The following ATF3 variants were observed in gnomAD, a reference collection of about 807,000 sequenced individuals.
ATF3 encodes the protein activating transcription factor 3.
A neutral mutation model predicts 18.4 loss-of-function variants in ATF3; 10 were observed. The observed-to-expected ratio is 0.54, with a 90% confidence interval of 0.34 to 0.92. ATF3 has a LOEUF of 0.92. Among genes scored for constraint, ATF3 ranks in the 40% least tolerant of loss-of-function variants. The probability of loss-of-function intolerance (pLI) is 0.02; values close to 1 mark genes in which losing one functional copy is unlikely to be tolerated. For synonymous variants in ATF3, 78 were observed against 87.9 expected (o/e 0.89, Z 0.63); for missense variants, 183 against 222.3 (o/e 0.82, Z 1.12).
rs780368394 is a variant in ATF3 at position 212,618,165 on chromosome 1, A to G, written c.279A>G (p.Arg93=). 1 of 1,614,190 alleles carries G rather than the reference A, an allele frequency of 6.2e-7. No individual in the cohort carries two copies. Among genetic ancestry groups the G allele is most frequent in the East Asian group, 2.2e-5 (1 of 44,888 alleles). The stretch of plus-strand genomic sequence containing the variant: ...AAGATGAAAGGAAAAAGAGGCGACG[A>G]GAAAGAAATAAGATTGCAGCTGCAA... ...PEEDERKKRR[R]ERNKIAAAKC... is the part of the protein sequence containing the mutation. Residue 93 remains arginine, a synonymous_variant, in exon 3 of 4, where the codon CGA becomes CGG. Coordinates refer to ENST00000341491, the MANE Select transcript of ATF3 (RefSeq NM_001674.4). The surrounding 1 kb of genome is among the most constrained non-coding windows in gnomAD (Gnocchi z 4.4).
In ATF3 at chr1:212,587,557, C is replaced by T. The variant is rs542015064; in HGVS notation, c.-5+22074C>T. Among the ~76,000 whole-genome samples the T allele has an allele frequency of 1.8e-4, 28 of 152,240 alleles. 1 individual carries two copies. The South Asian group carries it at 5.8e-3, about 32-fold the overall frequency. On this transcript the variant is annotated intron_variant, in intron 1 of 3. Transcript: ENST00000366981. Reference sequence around the variant, plus strand: ...TGGACTCAGGGAAGCTGCCATTGGTCAAGGAACAAAGTTTTGCTAACACGG... The same window carrying T: ...TGGACTCAGGGAAGCTGCCATTGGTTAAGGAACAAAGTTTTGCTAACACGG...
At chr1:212,582,439 A>G (rs567992094) in intron 1 of ATF3, among the ~76,000 whole-genome samples, 2 of 152,388 alleles carry the variant, frequency 1.3e-5, no homozygotes, top group East Asian at 3.9e-4. Context: ...GGCAGCCTTC[A>G]GAACTTCTCC....
At chr1:212,613,936 A>C (rs1654994904) in intron 1 of ATF3, 1 of 152,236 alleles carries the variant, frequency 6.6e-6, no homozygotes, top group South Asian at 2.1e-4. Flanking sequence ...CAAATACATC[A>C]CTGAAGCTTC....
chr1:212,607,501 C>T (rs544445030), upstream of ATF3, among the ~76,000 whole-genome samples: 1 of 152,354 alleles, frequency 6.6e-6, no homozygotes, highest in Non-Finnish European at 1.5e-5. Context: ...AGGTTCAAAC[C>T]CAGTTCTGCT....
At chr1:212,603,985 G>A (rs541150563), upstream of ATF3, among the ~76,000 whole-genome samples, 2 of 152,282 alleles carry the variant, frequency 1.3e-5, no homozygotes, top group East Asian at 3.9e-4. Context: ...ACACACTACA[G>A]TGTTAATAGT....
intron 1 of ATF3, among the ~76,000 whole-genome samples, chr1:212,581,646 T>A (rs1664687143): frequency 6.6e-6 from 1 of 152,192 alleles, no homozygotes; most frequent in Non-Finnish European, 1.5e-5. Flanking sequence ...CAAAATATGG[T>A]CCATACTATG....
chr1:212,570,607 C>G (rs1664463400), intron 1 of ATF3, among the ~76,000 whole-genome samples: 1 of 152,174 alleles, frequency 6.6e-6, no homozygotes, highest in Non-Finnish European at 1.5e-5. Context: ...CCCTCGTGTT[C>G]TCTCCCAGCT....
rs758923412 is a variant in ATF3 at position 212,619,127 on chromosome 1, G to A, written c.349-231G>A. 1 of 1,614,110 alleles carries A rather than the reference G, an allele frequency of 6.2e-7. No individual in the cohort carries two copies. The highest frequency in any genetic ancestry group is 2.2e-5 in the East Asian group (1 of 44,884). On this transcript the variant is annotated intron_variant, in intron 3 of 3. Coordinates refer to ENST00000341491, the MANE Select transcript of ATF3 (RefSeq NM_001674.4). The surrounding 1 kb of genome is among the most constrained non-coding windows in gnomAD (Gnocchi z 4.4). Reference sequence around the variant, plus strand: ...ATGAGGTATCTGAACTGCAGCTTCAGTATTAGCAGAGCCACAGGCCGCCTC... The same window carrying A: ...ATGAGGTATCTGAACTGCAGCTTCAATATTAGCAGAGCCACAGGCCGCCTC...
chr1:212,592,473 G>C (rs760947370), intron 1 of ATF3, among the ~76,000 whole-genome samples: 26 of 151,756 alleles, frequency 1.7e-4, no homozygotes, highest in Admixed American at 7.9e-4. Flanking sequence ...ATCCTAACAA[G>C]GTCCACACAT....
At chr1:212,588,029 T>C (rs1027592371) in intron 1 of ATF3, among the ~76,000 whole-genome samples, 4 of 151,064 alleles carry the variant, frequency 2.6e-5, no homozygotes, top group African/African-American at 7.4e-5. Flanking sequence ...TTATGGGAGG[T>C]GAGTGAGAGG....
intron 1 of ATF3, among the ~76,000 whole-genome samples, chr1:212,610,641 T>TA (rs1654856604): frequency 6.6e-6 from 1 of 152,340 alleles, no homozygotes; most frequent in East Asian, 1.9e-4. Flanking sequence ...CCTTGCCCTT[T>TA]AGCCATTATA....
intron 1 of ATF3, among the ~76,000 whole-genome samples, chr1:212,611,155 A>C (rs1468845796): frequency 6.6e-6 from 1 of 152,220 alleles, no homozygotes; most frequent in Non-Finnish European, 1.5e-5. Context: ...ATATGTGAGA[A>C]TTGGTTCTCT....
chr1:212,607,405 G>C (rs1045220632), upstream of ATF3, among the ~76,000 whole-genome samples: 3 of 152,194 alleles, frequency 2.0e-5, no homozygotes, highest in Non-Finnish European at 4.4e-5. Flanking sequence ...AGTCATCCAC[G>C]GGCAGTCAAG....
intron 1 of ATF3, among the ~76,000 whole-genome samples, chr1:212,602,493 A>T (rs900317519): frequency 1.3e-5 from 2 of 152,208 alleles, no homozygotes; most frequent in Non-Finnish European, 2.9e-5. Context: ...GAGCATCCCA[A>T]GTTTCCCGTG....
chr1:212,611,627 G>A lies in ATF3; in HGVS notation c.-5+2697G>A, dbSNP rs11571525. On this transcript the variant is annotated intron_variant, in intron 1 of 3. Transcript: ENST00000341491. ...GAAGACCAAGATATGAAGAGTTAGT[G>A]AAAGGCCAGTACTGGCTTCCTAGTA... is the stretch of plus-strand genomic sequence containing the variant. Among the ~76,000 whole-genome samples, 457 of 152,308 alleles carry A rather than the reference G, an allele frequency of 3.0e-3. 2 individuals carry two copies. Among genetic ancestry groups the A allele is most frequent in the African/African-American group, 0.01 (423 of 41,558 alleles).
At chr1:212,566,275 T>C (rs763406241) in intron 1 of ATF3, among the ~76,000 whole-genome samples, 27 of 152,204 alleles carry the variant, frequency 1.8e-4, no homozygotes, top group Non-Finnish European at 3.5e-4. Flanking sequence ...ACTAGTCCTC[T>C]TCTGTCCTTT....
chr1:212,574,795 A>G (rs1420934237), intron 1 of ATF3, among the ~76,000 whole-genome samples: 1 of 152,128 alleles, frequency 6.6e-6, no homozygotes, highest in Non-Finnish European at 1.5e-5. Context: ...AGTCATGTAC[A>G]GAGCTTCCTT....
In ATF3 at chr1:212,619,772, C is replaced by T. The variant is rs144258576; in HGVS notation, c.*217C>T. 1.8e-6 allele frequency: 1 copy of T among 543,784 alleles called. No homozygotes were observed. Among genetic ancestry groups the T allele is most frequent in the African/African-American group, 1.9e-5 (1 of 52,172 alleles). 33.7% of individuals were successfully genotyped at this position (543,784 alleles called of 1,614,324 possible). A position where few individuals can be genotyped will look rare whatever the true frequency, so the allele number is the denominator to read the frequency against. On this transcript the variant is annotated 3_prime_UTR_variant, in exon 4 of 4. Transcript: ENST00000341491. The surrounding 1 kb of genome is among the most constrained non-coding windows in gnomAD (Gnocchi z 4.4). ...GGGCAAGTGCATCTTTGCCTCAACTCCAGGATTTAGGCCTTAACACACTGG... is the reference window on the plus strand; with the variant it reads ...GGGCAAGTGCATCTTTGCCTCAACTTCAGGATTTAGGCCTTAACACACTGG...
chr1:212,566,248 G>A (rs1664380809), intron 1 of ATF3, among the ~76,000 whole-genome samples: 1 of 152,150 alleles, frequency 6.6e-6, no homozygotes, highest in Non-Finnish European at 1.5e-5. Context: ...ATGTGCACTT[G>A]GGGTTCTTCC....
Sources: allele counts gnomAD v4.1 joint callset (sites outside exome capture counted in the v4.1 genomes callset), GRCh38; gene constraint gnomAD v4.1.1; non-coding constraint Gnocchi (gnomAD v3.1); transcripts MANE v1.5; gene names NCBI Gene and HGNC (gene_info 2026-07-23, HGNC 2026-07-21).